Variants in FARS2 observed in about 807,000 individuals in gnomAD.
FARS2 encodes the protein phenylalanyl-tRNA synthetase 2, mitochondrial, also known as phenylalanine--tRNA ligase, mitochondrial.
A neutral mutation model predicts 46.4 loss-of-function variants in FARS2; 40 were observed. The observed-to-expected ratio is 0.86, with a 90% confidence interval of 0.67 to 1.12. FARS2 has a LOEUF of 1.12. Among genes scored for constraint, FARS2 ranks in the 50% most tolerant of loss-of-function variants. The pLI is 0.00. For synonymous variants in FARS2, 234 were observed against 214.9 expected (o/e 1.09, Z -0.78); for missense variants, 513 against 567.9 (o/e 0.90, Z 0.98).
At position 5,729,404 on chromosome 6, in the gene FARS2, C is replaced by T. The variant is rs552176199; in HGVS notation, c.1218-41887C>T. 1.6e-4 allele frequency among the ~76,000 whole-genome samples: 24 copies of T among 152,202 alleles called. 1 individual carries two copies. The highest frequency in any genetic ancestry group is 4.8e-4 in the African/African-American group (20 of 41,534). On this transcript the variant is annotated intron_variant, in intron 6 of 6. Coordinates refer to ENST00000274680, the MANE Select transcript of FARS2 (RefSeq NM_006567.5). ...CCTGCCCCTGGAATGGGGGCGTGGACGTCCCAGAGAGCAGGGGCTGAGGAC... is the reference window on the plus strand; with the variant it reads ...CCTGCCCCTGGAATGGGGGCGTGGATGTCCCAGAGAGCAGGGGCTGAGGAC...
At chr6:5,472,113 G>C (rs950091060) in intron 4 of FARS2, among the ~76,000 whole-genome samples, 1 of 152,162 alleles carries the variant, frequency 6.6e-6, no homozygotes, top group Non-Finnish European at 1.5e-5. Flanking sequence ...ATTGCTGCCT[G>C]ACATATCCCT....
At chr6:5,506,302 T>C (rs1768094733) in intron 4 of FARS2, among the ~76,000 whole-genome samples, 2 of 151,936 alleles carry the variant, frequency 1.3e-5, no homozygotes, top group African/African-American at 4.8e-5. Context: ...GGGTGTGGGG[T>C]CAGGAGAGTC....
chr6:5,573,495 A>G (rs917417534), intron 5 of FARS2, among the ~76,000 whole-genome samples: 1 of 152,272 alleles, frequency 6.6e-6, no homozygotes, highest in East Asian at 1.9e-4. Context: ...ACCCCATATT[A>G]TGGTGAAAGC....
chr6:5,651,290 C>A (rs1777348844), intron 6 of FARS2, among the ~76,000 whole-genome samples: 1 of 152,188 alleles, frequency 6.6e-6, no homozygotes, highest in Admixed American at 6.5e-5. Context: ...GTTAGTAGTA[C>A]AAGCTTCCTC....
chr6:5,620,370 G>A (rs1775707824), intron 6 of FARS2, among the ~76,000 whole-genome samples: 3 of 152,182 alleles, frequency 2.0e-5, no homozygotes, highest in Non-Finnish European at 4.4e-5. Flanking sequence ...TTCATTTTAT[G>A]TTATGAGCAG....
intron 6 of FARS2, among the ~76,000 whole-genome samples, chr6:5,767,438 G>A: frequency 6.6e-6 from 1 of 152,160 alleles, no homozygotes; most frequent in East Asian, 1.9e-4. Context: ...ACAGGTTTTT[G>A]TTTCAACACA....
chr6:5,388,019 G>T (rs1404755012), intron 2 of FARS2, among the ~76,000 whole-genome samples: 1 of 150,980 alleles, frequency 6.6e-6, no homozygotes, highest in Non-Finnish European at 1.5e-5. Flanking sequence ...TGGTACATTT[G>T]TCACAATTGG....
intron 2 of FARS2, among the ~76,000 whole-genome samples, chr6:5,376,019 G>A (rs1307103402): frequency 3.3e-5 from 5 of 152,098 alleles, no homozygotes; most frequent in African/African-American, 1.2e-4. Context: ...CATAATCAAA[G>A]TTATGAGACA....
At chr6:5,685,660 C>A (rs1250062589) in intron 6 of FARS2, among the ~76,000 whole-genome samples, 1 of 152,100 alleles carries the variant, frequency 6.6e-6, no homozygotes, top group Non-Finnish European at 1.5e-5. Flanking sequence ...ATAAAGCGTA[C>A]GAGGTTTTTG....
chr6:5,532,337 C>T (rs1245799473), intron 4 of FARS2, among the ~76,000 whole-genome samples: 3 of 152,192 alleles, frequency 2.0e-5, no homozygotes, highest in Non-Finnish European at 4.4e-5. Context: ...TGATCTTGCT[C>T]GAACACTGTT....
At position 5,368,685 on chromosome 6, in the gene FARS2, G is replaced by A; in HGVS notation, c.115G>A (p.Ala39Thr). Reference protein sequence around the residue: ...HQAWGSRPPAAECATQRAPGS... With the variant: ...HQAWGSRPPATECATQRAPGS... ...GGCCTGGGGATCGAGGCCTCCTGCA[G>A]CAGAGTGTGCCACCCAAAGAGCTCC... Residue 39 changes from alanine to threonine, a missense_variant, in exon 2 of 7, where the codon GCA becomes ACA. Transcript: ENST00000274680. The A allele has an allele frequency of 6.2e-7, 1 of 1,614,152 alleles. No individual in the cohort carries two copies. Among genetic ancestry groups the A allele is most frequent in the Non-Finnish European group, 8.5e-7 (1 of 1,180,030 alleles).
chr6:5,421,323 C>T (rs1762536904), intron 3 of FARS2, among the ~76,000 whole-genome samples: 1 of 152,174 alleles, frequency 6.6e-6, no homozygotes, highest in African/African-American at 2.4e-5. Context: ...CTGGGCCTGG[C>T]TCATGAAACC....
At chr6:5,262,897 C>T (rs1337838097) in intron 1 of FARS2, among the ~76,000 whole-genome samples, 1 of 152,150 alleles carries the variant, frequency 6.6e-6, no homozygotes, top group Non-Finnish European at 1.5e-5. Flanking sequence ...TTTGAGTTTT[C>T]CCTTTGCTAT....
intron 5 of FARS2, among the ~76,000 whole-genome samples, chr6:5,577,713 G>A (rs771943912): frequency 6.6e-6 from 1 of 152,042 alleles, no homozygotes; most frequent in Non-Finnish European, 1.5e-5. Context: ...CCGGAAAGTG[G>A]GATATACCAA....
chr6:5,718,650 C>A (rs113742802), intron 6 of FARS2, among the ~76,000 whole-genome samples: 31 of 152,082 alleles, frequency 2.0e-4, no homozygotes, highest in African/African-American at 7.0e-4. Context: ...CCTAATTGAG[C>A]CAGAAAATAT....
At chr6:5,354,421 G>T (rs1757782631) in intron 1 of FARS2, among the ~76,000 whole-genome samples, 1 of 151,922 alleles carries the variant, frequency 6.6e-6, no homozygotes, top group Admixed American at 6.6e-5. Context: ...TTTCTTAAAG[G>T]ATTACTATGG....
At chr6:5,745,721 G>A (rs1761596885) in intron 6 of FARS2, among the ~76,000 whole-genome samples, 2 of 152,078 alleles carry the variant, frequency 1.3e-5, no homozygotes, top group Admixed American at 6.5e-5. Context: ...TGTATTTTTT[G>A]TAGATATGAG....
At chr6:5,568,849 A>G (rs1772470456) in intron 5 of FARS2, among the ~76,000 whole-genome samples, 1 of 152,232 alleles carries the variant, frequency 6.6e-6, no homozygotes, top group Non-Finnish European at 1.5e-5. Flanking sequence ...CCCGGCACAG[A>G]AGAAATGATG....
chr6:5,634,572 C>T (rs1776450384), intron 6 of FARS2, among the ~76,000 whole-genome samples: 2 of 152,186 alleles, frequency 1.3e-5, no homozygotes, highest in African/African-American at 2.4e-5. Flanking sequence ...TATCCTCCCA[C>T]CTTCACCTCC....
Sources: gnomAD v4.1 joint callset for allele counts (sites outside exome capture counted in the v4.1 genomes callset) on GRCh38, gnomAD v4.1.1 for gene constraint, MANE v1.5 for transcripts, NCBI Gene and HGNC (gene_info 2026-07-23, HGNC 2026-07-21) for gene names.